MAML2: variants seen among roughly 807,000 people sequenced by gnomAD.
MAML2 encodes mastermind-like protein 2.
MAML2 carries 22 observed loss-of-function variants against 96.1 expected under a neutral mutation model. The observed-to-expected ratio is 0.23, with a 90% CI of 0.16 to 0.33. MAML2 has a LOEUF of 0.33. Ranked by LOEUF, MAML2 falls within the 10% of genes least tolerant of loss-of-function variation. MAML2 has a pLI of 1.00. For missense variants in MAML2, 1,367 were observed against 1,392.4 expected, an observed-to-expected ratio of 0.98 and a Z score of 0.29; for synonymous variants, 561 against 521.3, an observed-to-expected ratio of 1.08 and a Z score of -1.04.
In MAML2 at chr11:96,093,396, A is replaced by C. The variant is rs1859769477; in HGVS notation, c.635T>G (p.Leu212Arg). The change falls in exon 2 of 5, where the codon CTC becomes CGC. Residue 212 changes from leucine (L) to arginine (R), a missense_variant. Coordinates refer to ENST00000524717, the MANE Select transcript of MAML2 (RefSeq NM_032427.4). Reference sequence around the variant, plus strand: ...TTGGAGGCCACCTTGTCCTGCAGAGAGATTCTCCCCAACACGAATTCTTTT... The same window carrying C: ...TTGGAGGCCACCTTGTCCTGCAGAGCGATTCTCCCCAACACGAATTCTTTT... ...DIKRIRVGEN[L>R]SAGQGGLQIN... The C allele has an allele frequency of 6.2e-7, 1 of 1,614,016 alleles. No individual in the cohort carries two copies. Among genetic ancestry groups the C allele is most frequent in the East Asian group, 2.2e-5 (1 of 44,886 alleles).
chr11:96,282,239 A>C (rs1272184071), intron 1 of MAML2, among the ~76,000 whole-genome samples: 2 of 147,798 alleles, frequency 1.4e-5, no homozygotes, highest in Non-Finnish European at 3.0e-5. Flanking sequence ...ACAGAGCAAG[A>C]CTCCATCTCA....
At chr11:96,228,156 A>G (rs1862241235) in intron 1 of MAML2, among the ~76,000 whole-genome samples, 1 of 152,152 alleles carries the variant, frequency 6.6e-6, no homozygotes, top group African/African-American at 2.4e-5. Context: ...GAGAGAAAGT[A>G]CTGATTGAGT....
intron 2 of MAML2, among the ~76,000 whole-genome samples, chr11:96,066,735 G>T (rs1257221051): frequency 1.3e-5 from 2 of 152,152 alleles, no homozygotes; most frequent in East Asian, 3.8e-4. Context: ...TAGGAAGGCT[G>T]CAGCTTTCAT....
intron 2 of MAML2, among the ~76,000 whole-genome samples, chr11:96,063,698 C>T (rs991470248): frequency 6.6e-6 from 1 of 152,140 alleles, no homozygotes; most frequent in Non-Finnish European, 1.5e-5. Flanking sequence ...TACTCCAAAG[C>T]CTATGGCTTT....
chr11:96,097,775 A>G (rs1024761509), intron 1 of MAML2, among the ~76,000 whole-genome samples: 1 of 152,210 alleles, frequency 6.6e-6, no homozygotes, highest in Non-Finnish European at 1.5e-5. Context: ...TCACCTCTTA[A>G]CTATTGTATA....
intron 1 of MAML2, among the ~76,000 whole-genome samples, chr11:96,225,336 G>T (rs1479681547): frequency 6.6e-6 from 1 of 152,158 alleles, no homozygotes; most frequent in African/African-American, 2.4e-5. Flanking sequence ...TCACATGATG[G>T]TGTCACCTGT....
At chr11:96,252,139 G>A (rs912209273) in intron 1 of MAML2, among the ~76,000 whole-genome samples, 3 of 151,738 alleles carry the variant, frequency 2.0e-5, no homozygotes, top group Non-Finnish European at 2.9e-5. Context: ...AATTACACTC[G>A]TTATGCTGTT....
chr11:96,260,567 C>G (rs997628290), intron 1 of MAML2, among the ~76,000 whole-genome samples: 2 of 152,190 alleles, frequency 1.3e-5, no homozygotes, highest in Non-Finnish European at 2.9e-5. Context: ...GCTGCCCTCA[C>G]TCCTCCCTCC....
chr11:96,260,231 G>A (rs898095450), intron 1 of MAML2, among the ~76,000 whole-genome samples: 20 of 152,130 alleles, frequency 1.3e-4, no homozygotes, highest in African/African-American at 4.8e-4. Context: ...CTAGAAGGAT[G>A]GTGGTAGAGC....
At chr11:96,320,526 A>G (rs480948) in intron 1 of MAML2, among the ~76,000 whole-genome samples, 98,414 of 152,136 alleles carry the variant, frequency 0.65, 33,239 homozygotes, top group African/African-American at 0.86. Context: ...GGAGTGGAGT[A>G]GACAATTCCC....
At chr11:96,274,417 A>G (rs1373228721) in intron 1 of MAML2, among the ~76,000 whole-genome samples, 1 of 152,044 alleles carries the variant, frequency 6.6e-6, no homozygotes, top group African/African-American at 2.4e-5. Flanking sequence ...CTTTTTCTTT[A>G]TAGACATCTT....
intron 2 of MAML2, among the ~76,000 whole-genome samples, chr11:96,075,464 G>A (rs1859419513): frequency 6.6e-6 from 1 of 152,112 alleles, no homozygotes; most frequent in South Asian, 2.1e-4. Flanking sequence ...TCCCAGACAG[G>A]GCAGGGATTC....
At position 96,099,704 on chromosome 11, in the gene MAML2, T is replaced by C. The variant is rs148346128; in HGVS notation, c.514-6187A>G. On this transcript the variant is annotated intron_variant, in intron 1 of 4. Transcript: ENST00000524717. The stretch of plus-strand genomic sequence containing the variant: ...ATGCTAAAAAGGAGGTTGTGGGTTG[T>C]GGGGAATATTTTCATACCAAATTCA... Among the ~76,000 whole-genome samples, 446 of 152,314 alleles carry C rather than the reference T, an allele frequency of 2.9e-3. 5 individuals are homozygous for C. The highest frequency in any genetic ancestry group is 0.01 in the African/African-American group (422 of 41,538).
intron 2 of MAML2, among the ~76,000 whole-genome samples, chr11:96,007,164 A>C (rs752121422): frequency 3.5e-5 from 5 of 142,056 alleles, no homozygotes; most frequent in Non-Finnish European, 7.6e-5. Flanking sequence ...CACCATGTCC[A>C]GTTAATTTTT....
intron 1 of MAML2, among the ~76,000 whole-genome samples, chr11:96,299,817 T>A (rs1488078796): frequency 6.6e-6 from 1 of 152,180 alleles, no homozygotes; most frequent in Non-Finnish European, 1.5e-5. Flanking sequence ...TATATGTACT[T>A]CCCAGAATCG....
rs569842996 is a variant in MAML2, at chr11:96,012,950, A to C, written c.2140-21227T>G. Among the ~76,000 whole-genome samples the C allele has an allele frequency of 2.0e-5, 3 of 152,258 alleles. No individual in the cohort carries two copies. The East Asian group carries it at 5.8e-4, about 29-fold the overall frequency. ...TGTTCCCTTTTCCTGTGTCTTTTTT[A>C]TGACCTGTCTGGGCATTATCTATCT... On this transcript the variant is annotated intron_variant, in intron 2 of 4. Coordinates refer to ENST00000524717, the MANE Select transcript of MAML2 (RefSeq NM_032427.4).
chr11:96,066,772 C>G (rs530750775), intron 2 of MAML2, among the ~76,000 whole-genome samples: 1 of 152,112 alleles, frequency 6.6e-6, no homozygotes, highest in Non-Finnish European at 1.5e-5. Context: ...TGAAGACAGA[C>G]AGATACTAAC....
intron 1 of MAML2, among the ~76,000 whole-genome samples, chr11:96,241,255 C>A (rs1862434585): frequency 6.6e-6 from 1 of 152,224 alleles, no homozygotes; most frequent in Non-Finnish European, 1.5e-5. Flanking sequence ...GAAACCAACT[C>A]TGAAATGAGG....
intron 2 of MAML2, among the ~76,000 whole-genome samples, chr11:96,001,102 T>A (rs1858071810): frequency 6.6e-6 from 1 of 152,236 alleles, no homozygotes; most frequent in Admixed American, 6.5e-5. Flanking sequence ...ATAATGTTTA[T>A]TTCAAATGAT....
Sources: gnomAD v4.1 joint callset for allele counts (sites outside exome capture counted in the v4.1 genomes callset) on GRCh38, gnomAD v4.1.1 for gene constraint, MANE v1.5 for transcripts, NCBI Gene and HGNC (gene_info 2026-07-23, HGNC 2026-07-21) for gene names.